Variants in ZNF676 observed in about 807,000 individuals in gnomAD.
ZNF676 encodes zinc finger protein 676.
Under a neutral mutation model 6.0 loss-of-function variants are expected in ZNF676, and 4 were observed. The observed-to-expected ratio is 0.67, with a 90% CI of 0.33 to 1.53. The LOEUF (loss-of-function observed/expected upper bound fraction) is 1.53. Ranked by LOEUF, ZNF676 falls within the 40% of genes most tolerant of loss-of-function variation. ZNF676 has a pLI of 0.06. For synonymous variants in ZNF676, 198 were observed against 223.1 expected (o/e 0.89, Z 1.00); for missense variants, 644 against 679.7 (o/e 0.95, Z 0.58).
At chr19:22,249,691 C>T in the ZNF676 span, among the ~76,000 whole-genome samples, 6 of 151,638 alleles carry the variant, frequency 4.0e-5, no homozygotes, top group Admixed American at 2.6e-4. Context: ...GGATTACAGG[C>T]GTGAGCCACC....
chr19:22,197,342 G>A (rs1443640721), upstream of ZNF676, among the ~76,000 whole-genome samples: 4 of 151,476 alleles, frequency 2.6e-5, no homozygotes, highest in African/African-American at 7.3e-5. Flanking sequence ...AAAATTCATC[G>A]TGTGTATTTT....
chr19:22,218,712 A>G (rs1414170249), upstream of ZNF676, among the ~76,000 whole-genome samples: 1 of 152,168 alleles, frequency 6.6e-6, no homozygotes, highest in African/African-American at 2.4e-5. Flanking sequence ...TCAATAGAAT[A>G]GGGTGTTATT....
At chr19:22,189,864 A>G (rs1204199422) in intron 2 of ZNF676, among the ~76,000 whole-genome samples, 1 of 152,210 alleles carries the variant, frequency 6.6e-6, no homozygotes, top group Non-Finnish European at 1.5e-5. Flanking sequence ...TTAAGAAGCC[A>G]GGAAACAACA....
the ZNF676 span, among the ~76,000 whole-genome samples, chr19:22,256,243 G>C: frequency 2.6e-5 from 4 of 152,230 alleles, no homozygotes; most frequent in Non-Finnish European, 5.9e-5. Context: ...TGTGAGATGG[G>C]ACATGTAACC....
chr19:22,248,174 T>A, the ZNF676 span, among the ~76,000 whole-genome samples: 1 of 152,216 alleles, frequency 6.6e-6, no homozygotes, highest in African/African-American at 2.4e-5. Flanking sequence ...TGGTTCCAAG[T>A]CTTTACTATT....
the ZNF676 span, among the ~76,000 whole-genome samples, chr19:22,240,791 C>CA: frequency 4.6e-5 from 7 of 151,706 alleles, no homozygotes; most frequent in African/African-American, 1.7e-4. Flanking sequence ...GACTCCATCT[C>CA]AAAAAAAGAG....
chr19:22,202,069 T>C (rs1278408138), intron 1 of ZNF676, among the ~76,000 whole-genome samples: 2 of 152,220 alleles, frequency 1.3e-5, no homozygotes, highest in Non-Finnish European at 2.9e-5. Context: ...TCTCAAGACC[T>C]AGATTTAGAA....
intron 1 of ZNF676, among the ~76,000 whole-genome samples, chr19:22,211,423 G>C (rs2024128731): frequency 6.6e-6 from 1 of 152,150 alleles, no homozygotes; most frequent in Non-Finnish European, 1.5e-5. Context: ...TTACATGTCA[G>C]AGTCATTCAC....
the ZNF676 span, among the ~76,000 whole-genome samples, chr19:22,247,703 T>G: frequency 1.9e-4 from 29 of 152,168 alleles, no homozygotes; most frequent in African/African-American, 7.0e-4. Context: ...GAGAATGTCT[T>G]GAACCTGGGA....
the ZNF676 span, among the ~76,000 whole-genome samples, chr19:22,241,142 T>C: frequency 6.6e-6 from 1 of 152,030 alleles, no homozygotes; most frequent in East Asian, 1.9e-4. Flanking sequence ...TCATAATCCC[T>C]ACTGGGGGCT....
chr19:22,249,024 C>T, the ZNF676 span, among the ~76,000 whole-genome samples: 4 of 152,142 alleles, frequency 2.6e-5, no homozygotes, highest in Non-Finnish European at 5.9e-5. Flanking sequence ...GCCACCACAC[C>T]CGGCCATGTG....
chr19:22,202,205 G>T (rs2024033275), intron 1 of ZNF676, among the ~76,000 whole-genome samples: 1 of 151,938 alleles, frequency 6.6e-6, no homozygotes, highest in African/African-American at 2.4e-5. Context: ...TCTACTCAAT[G>T]CACATATTTT....
chr19:22,253,401 TGTGTATATATATATATGATA>T, the ZNF676 span, among the ~76,000 whole-genome samples: 41 of 36,568 alleles, frequency 1.1e-3, no homozygotes, highest in Admixed American at 2.5e-3. Flanking sequence ...TATATGATAA[TGTGTATATATATATATGATA>T]ATGTATATAT....
At chr19:22,255,082 A>G in the ZNF676 span, among the ~76,000 whole-genome samples, 1 of 152,194 alleles carries the variant, frequency 6.6e-6, no homozygotes, top group Non-Finnish European at 1.5e-5. Context: ...CTCAAAGGTG[A>G]ACTGGATCTG....
At chr19:22,242,521 T>C in the ZNF676 span, among the ~76,000 whole-genome samples, 1 of 151,938 alleles carries the variant, frequency 6.6e-6, no homozygotes, top group South Asian at 2.1e-4. Context: ...TTCCTAGGTG[T>C]TGGAGCCCAC....
upstream of ZNF676, among the ~76,000 whole-genome samples, chr19:22,199,507 A>G (rs984356883): frequency 2.0e-5 from 3 of 152,212 alleles, no homozygotes; most frequent in African/African-American, 7.2e-5. Flanking sequence ...CTGTGATAGC[A>G]CATTATGTGA....
intron 2 of ZNF676, among the ~76,000 whole-genome samples, chr19:22,183,644 T>TA (rs2023792554): frequency 6.6e-6 from 1 of 152,180 alleles, no homozygotes; most frequent in Non-Finnish European, 1.5e-5. Context: ...CCAGGTTATT[T>TA]AAAAAATTTT....
the ZNF676 span, among the ~76,000 whole-genome samples, chr19:22,240,519 C>T: frequency 0.051 from 7,816 of 151,934 alleles, 804 homozygotes; most frequent in African/African-American, 0.18. Context: ...GTTGGCTGGG[C>T]ACAGTGGCTC....
chr19:22,244,695 G>A, the ZNF676 span: 2 of 152,182 alleles, frequency 1.3e-5, no homozygotes, highest in Admixed American at 1.3e-4. Context: ...TGGGCCCAGC[G>A]ATATGTCACA....
Sources: allele counts gnomAD v4.1 joint callset (sites outside exome capture counted in the v4.1 genomes callset), GRCh38; gene constraint gnomAD v4.1.1; transcripts MANE v1.5; gene names NCBI Gene and HGNC (gene_info 2026-07-23, HGNC 2026-07-21).